Variants in ERC1 observed in about 807,000 individuals in gnomAD.
ERC1 encodes the protein RAB6 interacting protein 2.
Under a neutral mutation model 132.0 loss-of-function variants are expected in ERC1, and 56 were observed. The ratio of observed to expected loss-of-function variants is 0.42; its 90% CI spans 0.34 to 0.53. The LOEUF (loss-of-function observed/expected upper bound fraction) is 0.53, where lower values mean the gene tolerates loss of function less well. ERC1 is among the 20% of genes least tolerant of loss of function. The pLI is 0.03. For missense variants in ERC1, 1,202 were observed against 1,349.9 expected, an observed-to-expected ratio of 0.89 and a Z score of 1.72; for synonymous variants, 478 against 476.1, an observed-to-expected ratio of 1.00 and a Z score of -0.05.
intron 12 of ERC1, among the ~76,000 whole-genome samples, chr12:1,201,524 TGA>T (rs1956914483): frequency 6.6e-6 from 1 of 152,246 alleles, no homozygotes; most frequent in Non-Finnish European, 1.5e-5. Flanking sequence ...ACCTATATGC[TGA>T]GTTTGTTTAT....
At chr12:1,062,319 GC>G (rs1472211517) in intron 2 of ERC1, among the ~76,000 whole-genome samples, 1 of 151,876 alleles carries the variant, frequency 6.6e-6, no homozygotes, top group Non-Finnish European at 1.5e-5. Flanking sequence ...ACGGGGTTTT[GC>G]CATGTTGCCC....
intron 7 of ERC1, among the ~76,000 whole-genome samples, chr12:1,139,705 ATT>A (rs71687756): frequency 0.07 from 10,197 of 146,442 alleles, 1,135 homozygotes; most frequent in African/African-American, 0.24. Context: ...AACAGGTATG[ATT>A]TTTTTTTTTT....
At chr12:1,252,303 C>T (rs577894852) in intron 13 of ERC1, among the ~76,000 whole-genome samples, 4 of 152,110 alleles carry the variant, frequency 2.6e-5, no homozygotes, top group Non-Finnish European at 4.4e-5. Context: ...AAAGGTCAGC[C>T]TCTTATGGGC....
Position 1,179,718 on chromosome 12 carries a change from G to A in ERC1, c.1738-822G>A, listed in dbSNP as rs924659658. 6.7e-4 allele frequency among the ~76,000 whole-genome samples: 102 copies of A among 151,862 alleles called. No individual in the cohort carries two copies. The South Asian group carries it at 7.7e-3, about 11-fold the overall frequency. On this transcript the variant is annotated intron_variant, in intron 8 of 18. Transcript: ENST00000360905. ...GAGACGGGGTTTCACCGTTTTAGCT[G>A]GGATGGTCTTGATCTCCTGACCTCG...
intron 14 of ERC1, among the ~76,000 whole-genome samples, chr12:1,286,038 A>G (rs2079020872): frequency 6.6e-6 from 1 of 152,204 alleles, no homozygotes; most frequent in African/African-American, 2.4e-5. Context: ...GTAGAGATGG[A>G]GTCCCAGCAC....
At chr12:1,270,213 T>C (rs2077737997) in intron 14 of ERC1, among the ~76,000 whole-genome samples, 1 of 152,122 alleles carries the variant, frequency 6.6e-6, no homozygotes, top group South Asian at 2.1e-4. Flanking sequence ...AACCCTTATC[T>C]TCCTTTTTTT....
intron 18 of ERC1, among the ~76,000 whole-genome samples, chr12:1,473,089 G>A (rs553189395): frequency 1.3e-5 from 2 of 152,238 alleles, no homozygotes; most frequent in African/African-American, 4.8e-5. Flanking sequence ...GCAGTGGTGC[G>A]ATCTCAGCTC....
intron 15 of ERC1, among the ~76,000 whole-genome samples, chr12:1,311,363 G>A (rs1389613653): frequency 1.4e-5 from 2 of 142,642 alleles, no homozygotes; most frequent in African/African-American, 5.3e-5. Context: ...AACTTCAGTA[G>A]TGTTAGAGGT....
chr12:1,358,157 C>T (rs542006222), intron 15 of ERC1, among the ~76,000 whole-genome samples: 1 of 148,898 alleles, frequency 6.7e-6, no homozygotes, highest in East Asian at 2.0e-4. Flanking sequence ...GAGCTGCGAT[C>T]ATGCCTGTGA....
At chr12:1,344,623 C>T (rs547866651) in intron 15 of ERC1, among the ~76,000 whole-genome samples, 4 of 152,166 alleles carry the variant, frequency 2.6e-5, no homozygotes, top group Non-Finnish European at 4.4e-5. Context: ...ATCTAAAACC[C>T]AGAGTGGTAA....
At chr12:1,385,460 T>C (rs898237476) in intron 16 of ERC1, among the ~76,000 whole-genome samples, 4 of 152,114 alleles carry the variant, frequency 2.6e-5, no homozygotes, top group Non-Finnish European at 4.4e-5. Flanking sequence ...TTTTCTTGTA[T>C]TTTTAGTAGA....
intron 15 of ERC1, among the ~76,000 whole-genome samples, chr12:1,325,565 G>A (rs960271622): frequency 1.6e-4 from 25 of 152,054 alleles, no homozygotes; most frequent in African/African-American, 6.0e-4. Flanking sequence ...ATATTAGAAG[G>A]ACAGAAGTTT....
intron 1 of ERC1, among the ~76,000 whole-genome samples, chr12:1,019,448 T>A (rs1966000991): frequency 6.6e-6 from 1 of 152,188 alleles, no homozygotes; most frequent in Admixed American, 6.5e-5. Flanking sequence ...AATGTGAGAA[T>A]ACACAAGCAC....
At chr12:1,413,373 T>G (rs1376683156) in intron 17 of ERC1, among the ~76,000 whole-genome samples, 1 of 152,004 alleles carries the variant, frequency 6.6e-6, no homozygotes, top group Non-Finnish European at 1.5e-5. Flanking sequence ...GCAGGCAGAT[T>G]GGTTGAAGCC....
At chr12:993,531 TG>T (rs1960112212) in intron 1 of ERC1, among the ~76,000 whole-genome samples, 1 of 152,218 alleles carries the variant, frequency 6.6e-6, no homozygotes, top group Non-Finnish European at 1.5e-5. Flanking sequence ...TCTACTGAGG[TG>T]TTTTTTTTCC....
At chr12:1,351,162 CT>C (rs1450520580) in intron 15 of ERC1, among the ~76,000 whole-genome samples, 3 of 152,174 alleles carry the variant, frequency 2.0e-5, no homozygotes, top group Admixed American at 2.0e-4. Context: ...TATCCTTGGA[CT>C]TTTTGTGTGC....
chr12:1,429,670 C>T (rs549629012), intron 17 of ERC1, among the ~76,000 whole-genome samples: 2 of 152,186 alleles, frequency 1.3e-5, no homozygotes, highest in South Asian at 4.1e-4. Flanking sequence ...AAAAATTATA[C>T]AAGATGCAAT....
chr12:1,219,022 A>G (rs1281591653), intron 12 of ERC1, among the ~76,000 whole-genome samples: 1 of 151,756 alleles, frequency 6.6e-6, no homozygotes, highest in East Asian at 1.9e-4. Flanking sequence ...ACAGGCATGC[A>G]CCACCACGCC....
chr12:1,394,270 G>C (rs761709425), intron 16 of ERC1, among the ~76,000 whole-genome samples: 15 of 149,912 alleles, frequency 1.0e-4, no homozygotes, highest in African/African-American at 1.7e-4. Context: ...CGTGGTGGCG[G>C]GCTCCTGTAG....
Sources: allele counts gnomAD v4.1 joint callset (sites outside exome capture counted in the v4.1 genomes callset), GRCh38; gene constraint gnomAD v4.1.1; transcripts MANE v1.5; gene names NCBI Gene and HGNC (gene_info 2026-07-23, HGNC 2026-07-21).